Variants in ABCA13 observed in about 807,000 individuals in gnomAD.
The protein encoded by ABCA13 is ATP-binding cassette sub-family A member 13.
A neutral mutation model predicts 478.7 loss-of-function variants in ABCA13; 476 were observed. The observed-to-expected ratio is 0.99, with a 90% confidence interval of 0.92 to 1.07. The LOEUF (loss-of-function observed/expected upper bound fraction) is 1.07. Ranked by LOEUF, ABCA13 falls within the 50% of genes least tolerant of loss-of-function variation. ABCA13 has a pLI of 0.00. For missense variants in ABCA13, 6,060 were observed against 5,910.6 expected (o/e 1.03, Z -0.83); for synonymous variants, 2,252 against 2,158.9 (o/e 1.04, Z -1.20).
At chr7:48,222,947 A>T (rs149477088) in intron 5 of ABCA13, among the ~76,000 whole-genome samples, 311 of 152,282 alleles carry the variant, frequency 2.0e-3, no homozygotes, top group African/African-American at 7.1e-3. Flanking sequence ...CTTCTATGCA[A>T]CATTAAATGG....
chr7:48,587,038 T>C, intron 56 of ABCA13, 116 bp from the exon 57 acceptor site: 1 of 1,329,624 alleles, frequency 7.5e-7, no homozygotes, highest in South Asian at 1.3e-5. Context: ...CTTGATTGTA[T>C]GTGTGAAGGT....
In ABCA13 at chr7:48,646,527, T is replaced by TTTA. The variant is rs1795445099; in HGVS notation, c.*1017_*1018insATT. On this transcript the variant is annotated 3_prime_UTR_variant, in exon 62 of 62. Coordinates refer to ENST00000435803, the MANE Select transcript of ABCA13 (RefSeq NM_152701.5). ...TATGTAGTCTTTTTTATTTATTTAT[T>TTTA]TTTTTTTTTTGAGGCGGAGTCTCGC... The TTTA allele has an allele frequency of 6.7e-6, 1 of 150,288 alleles. No homozygotes were observed. The highest frequency in any genetic ancestry group is 6.6e-5 in the Admixed American group (1 of 15,136). The allele number at this position is 150,288 out of a possible 1,614,324, so 9.3% of individuals were successfully genotyped here.
chr7:48,279,125 C>A lies in ABCA13; in HGVS notation c.7931C>A (p.Ser2644Tyr). 1 of 1,609,552 alleles carries A rather than the reference C, an allele frequency of 6.2e-7. No individual in the cohort carries two copies. The highest frequency in any genetic ancestry group is 8.5e-7 in the Non-Finnish European group (1 of 1,178,228). ...GAAGAAATTGCTGAATTTTTAACAT[C>A]TGTGAAAATGAACTTGGAAGATATG... ...ILEEIAEFLTSVKMNLEDMRS... is the reference protein window; with the variant it reads ...ILEEIAEFLTYVKMNLEDMRS... Residue 2644 changes from serine (S) to tyrosine (Y), a missense_variant, in exon 18 of 62, where the codon TCT becomes TAT. Physicochemically the swap from Ser to Tyr is moderately radical, Grantham distance 144. Around this residue, in one of 3 missense-constraint regions of ABCA13, gnomAD observed 4,423 missense variants for 4,309.1 expected, o/e 1.03. Transcript: ENST00000435803.
intron 2 of ABCA13, among the ~76,000 whole-genome samples, chr7:48,195,531 G>A (rs1037287954): frequency 6.6e-6 from 1 of 152,164 alleles, no homozygotes; most frequent in African/African-American, 2.4e-5. Context: ...ACAGCTGAGT[G>A]GAGAGTGCAC....
At chr7:48,464,189 A>G (rs1826615113) in intron 43 of ABCA13, among the ~76,000 whole-genome samples, 1 of 152,246 alleles carries the variant, frequency 6.6e-6, no homozygotes, top group Admixed American at 6.5e-5. Flanking sequence ...AAATATAGCC[A>G]GGAGTTTGAA....
chr7:48,241,283 C>T (rs758651869), intron 10 of ABCA13, among the ~76,000 whole-genome samples: 1 of 152,080 alleles, frequency 6.6e-6, no homozygotes, highest in Non-Finnish European at 1.5e-5. Context: ...TGCAATCGAC[C>T]GAATACGGGA....
At chr7:48,434,222 G>T (rs1428615057) in intron 42 of ABCA13, among the ~76,000 whole-genome samples, 1 of 151,874 alleles carries the variant, frequency 6.6e-6, no homozygotes, top group Non-Finnish European at 1.5e-5. Flanking sequence ...GTGTGAAGTG[G>T]TATCTCACTG....
At chr7:48,315,566 G>A (rs1044264865) in intron 26 of ABCA13, among the ~76,000 whole-genome samples, 10 of 150,714 alleles carry the variant, frequency 6.6e-5, no homozygotes, top group South Asian at 2.1e-4. Flanking sequence ...CACAAGCTCC[G>A]CCTCCCAGGT....
intron 44 of ABCA13, among the ~76,000 whole-genome samples, chr7:48,470,066 T>G (rs1291800195): frequency 6.6e-6 from 1 of 152,206 alleles, no homozygotes; most frequent in Non-Finnish European, 1.5e-5. Flanking sequence ...GTAGGCCACT[T>G]TAGGGAAATG....
At chr7:48,213,615 TG>T (rs1786013035) in intron 3 of ABCA13, among the ~76,000 whole-genome samples, 3 of 152,234 alleles carry the variant, frequency 2.0e-5, no homozygotes. Flanking sequence ...CATCATTGAC[TG>T]TTTCTTTCAT....
intron 48 of ABCA13, among the ~76,000 whole-genome samples, chr7:48,500,934 C>T (rs1830687502): frequency 6.6e-6 from 1 of 152,216 alleles, no homozygotes; most frequent in Non-Finnish European, 1.5e-5. Flanking sequence ...GTGTGTCCCT[C>T]CCATCAGACT....
Position 48,587,125 on chromosome 7 carries a change from G to T in ABCA13, c.14506-29G>T, listed in dbSNP as rs746177496. On this transcript the variant is annotated intron_variant, in intron 56 of 61. Coordinates refer to ENST00000435803, the MANE Select transcript of ABCA13 (RefSeq NM_152701.5). ...CTGGTGGGCACTTTGGTGAATGCTG[G>T]TGTGCACATGGACATGCCTCTCTTC... The T allele has an allele frequency of 4.3e-6, 7 of 1,612,044 alleles. No homozygotes were observed. The South Asian group carries it at 7.7e-5, about 18-fold the overall frequency.
chr7:48,556,829 A>ACTCC (rs1164365641), intron 55 of ABCA13, among the ~76,000 whole-genome samples: 10 of 150,552 alleles, frequency 6.6e-5, no homozygotes, highest in Admixed American at 6.6e-4. Context: ...AAAAGGATTT[A>ACTCC]CTCCTGCTAT....
At chr7:48,587,650 A>C (rs1446298321) in intron 57 of ABCA13, among the ~76,000 whole-genome samples, 1 of 151,972 alleles carries the variant, frequency 6.6e-6, no homozygotes, top group Non-Finnish European at 1.5e-5. Context: ...TGTTTATCAC[A>C]GCAGTAGTGA....
chr7:48,450,017 T>C (rs1824793290), intron 42 of ABCA13, among the ~76,000 whole-genome samples: 1 of 152,228 alleles, frequency 6.6e-6, no homozygotes, highest in South Asian at 2.1e-4. Context: ...CACTGACACG[T>C]TTTGTTTACT....
At chr7:48,465,753 C>G (rs1826807467) in intron 43 of ABCA13, among the ~76,000 whole-genome samples, 1 of 151,998 alleles carries the variant, frequency 6.6e-6, no homozygotes, top group Non-Finnish European at 1.5e-5. Context: ...TAACTACAGT[C>G]ACCCTGCTGT....
At chr7:48,586,565 C>T (rs1789200261) in intron 56 of ABCA13, among the ~76,000 whole-genome samples, 1 of 151,972 alleles carries the variant, frequency 6.6e-6, no homozygotes, top group Admixed American at 6.6e-5. Flanking sequence ...GCAGTAGACA[C>T]GTGGGAATCC....
chr7:48,336,760 G>A (rs1460790140), intron 28 of ABCA13, among the ~76,000 whole-genome samples: 1 of 152,212 alleles, frequency 6.6e-6, no homozygotes, highest in African/African-American at 2.4e-5. Context: ...AGCGACCATG[G>A]CCATATGTAT....
intron 58 of ABCA13, among the ~76,000 whole-genome samples, chr7:48,609,557 C>T (rs1791813669): frequency 6.6e-6 from 1 of 152,120 alleles, no homozygotes; most frequent in African/African-American, 2.4e-5. Flanking sequence ...AGGATAAGAA[C>T]CTTGCGTACT....
Sources: gnomAD v4.1 joint callset for allele counts (sites outside exome capture counted in the v4.1 genomes callset) on GRCh38, gnomAD v4.1.1 for gene constraint, gnomAD v4.1.1 regional missense constraint, MANE v1.5 for transcripts, NCBI Gene and HGNC (gene_info 2026-07-23, HGNC 2026-07-21) for gene names.